Variants in ADARB1 observed in about 807,000 individuals in gnomAD.
The protein encoded by ADARB1 is double-stranded RNA-specific editase 1.
Under a neutral mutation model 52.4 loss-of-function variants are expected in ADARB1, and 10 were observed. The ratio of observed to expected loss-of-function variants is 0.19; its 90% confidence interval spans 0.12 to 0.32. ADARB1 has a LOEUF of 0.32. Among genes scored for constraint, ADARB1 ranks in the 10% least tolerant of loss-of-function variants. ADARB1 has a pLI of 1.00. For missense variants in ADARB1, 643 were observed against 922.3 expected (o/e 0.70, Z 3.92); for synonymous variants, 349 against 371.1 (o/e 0.94, Z 0.68).
At chr21:45,206,656 C>T (rs1161728811) in intron 9 of ADARB1, among the ~76,000 whole-genome samples, 2 of 149,274 alleles carry the variant, frequency 1.3e-5, no homozygotes, top group Non-Finnish European at 3.0e-5. Flanking sequence ...TCACTGCAGC[C>T]TCCACTTCCC....
intron 2 of ADARB1, among the ~76,000 whole-genome samples, chr21:45,168,905 A>G (rs964166633): frequency 4.6e-5 from 7 of 152,190 alleles, no homozygotes; most frequent in African/African-American, 2.4e-5. Flanking sequence ...ATTATATGAT[A>G]TTATGAGACT....
chr21:45,191,286 A>G (rs1018507458), intron 8 of ADARB1, among the ~76,000 whole-genome samples: 2 of 152,268 alleles, frequency 1.3e-5, no homozygotes, highest in Middle Eastern at 6.8e-3. Flanking sequence ...TTGTTATACC[A>G]GTGTTATTTT....
At position 45,176,776 on chromosome 21, in the gene ADARB1, G is replaced by C; in HGVS notation, c.963+112G>C. On this transcript the variant is annotated intron_variant, in intron 4 of 10. Coordinates refer to ENST00000348831, the MANE Select transcript of ADARB1 (RefSeq NM_001112.4). This position sits in a 1 kb window ranked among gnomAD's most constrained non-coding sequence, Gnocchi z 5.8. ...TGACTTTCCACCTTGACATCACTCT[G>C]TCCCCACCAGGAGGAGTTACTGGTA... is the stretch of plus-strand genomic sequence containing the variant. 1 of 1,196,476 alleles carries C rather than the reference G, an allele frequency of 8.4e-7. No individual in the cohort carries two copies. Among genetic ancestry groups the C allele is most frequent in the Non-Finnish European group, 1.1e-6 (1 of 875,394 alleles). The allele number at this position is 1,196,476 out of a possible 1,614,324, so 74.1% of individuals were successfully genotyped here.
intron 1 of ADARB1, among the ~76,000 whole-genome samples, chr21:45,082,130 G>C (rs545040244): frequency 3.9e-5 from 6 of 152,182 alleles, no homozygotes; most frequent in Non-Finnish European, 8.8e-5. Context: ...ATGATGCCAC[G>C]TTCCAGAGGA....
intron 9 of ADARB1, among the ~76,000 whole-genome samples, chr21:45,214,371 A>G (rs1407421996): frequency 6.6e-6 from 1 of 152,252 alleles, no homozygotes; most frequent in East Asian, 1.9e-4. Flanking sequence ...CGCAAACCAC[A>G]TAATTTTAAT....
chr21:45,075,213 G>T (rs1273322930), intron 1 of ADARB1, among the ~76,000 whole-genome samples: 1 of 151,562 alleles, frequency 6.6e-6, no homozygotes, highest in Admixed American at 6.6e-5. Flanking sequence ...GGGACCAGAG[G>T]CTGCCCCGGG....
chr21:45,076,477 A>G (rs1274234198), intron 1 of ADARB1, among the ~76,000 whole-genome samples: 1 of 152,218 alleles, frequency 6.6e-6, no homozygotes, highest in Non-Finnish European at 1.5e-5. Context: ...CACTACATCT[A>G]CATCACATTT....
chr21:45,189,727 AG>A (rs2092225896), intron 8 of ADARB1, among the ~76,000 whole-genome samples: 1 of 148,112 alleles, frequency 6.8e-6, no homozygotes, highest in Non-Finnish European at 1.5e-5. Flanking sequence ...CTTGGTTGAC[AG>A]GGTTGTTTTT....
intron 1 of ADARB1, among the ~76,000 whole-genome samples, chr21:45,077,179 C>T (rs993616536): frequency 2.6e-5 from 4 of 152,190 alleles, no homozygotes; most frequent in African/African-American, 9.7e-5. Flanking sequence ...GTAAGTTTTA[C>T]TTAAGAACTG....
chr21:45,158,631 A>G (rs996886449), intron 2 of ADARB1, among the ~76,000 whole-genome samples: 6 of 151,948 alleles, frequency 3.9e-5, no homozygotes, highest in Non-Finnish European at 7.4e-5. Flanking sequence ...CACAGGTCCC[A>G]TATGTGTTTC....
At chr21:45,180,952 C>T (rs79593938) in intron 5 of ADARB1, among the ~76,000 whole-genome samples, 6 of 152,152 alleles carry the variant, frequency 3.9e-5, no homozygotes, top group Admixed American at 3.9e-4. Flanking sequence ...AAGGAACCCC[C>T]GAGTCCTCTC....
chr21:45,114,773 C>T (rs1006178386), intron 1 of ADARB1, among the ~76,000 whole-genome samples: 1 of 152,222 alleles, frequency 6.6e-6, no homozygotes, highest in Admixed American at 6.5e-5. Context: ...TTTTATTCAG[C>T]CTTTGCTGCA....
At chr21:45,089,095 A>T (rs902284325) in intron 1 of ADARB1, among the ~76,000 whole-genome samples, 5 of 152,244 alleles carry the variant, frequency 3.3e-5, no homozygotes, top group African/African-American at 1.2e-4. Context: ...AACCACCGAA[A>T]TTCAGATGAG....
intron 1 of ADARB1, among the ~76,000 whole-genome samples, chr21:45,097,393 A>T (rs1053480824): frequency 1.3e-4 from 19 of 151,742 alleles, no homozygotes; most frequent in Admixed American, 3.9e-4. Context: ...GCCCTGTGTG[A>T]TGTGGTACAA....
At chr21:45,184,328 A>G (rs1249015962) in intron 7 of ADARB1, 1 of 156,684 alleles carries the variant, frequency 6.4e-6, no homozygotes, top group Non-Finnish European at 1.4e-5. Flanking sequence ...GCTTCAGTGC[A>G]TTTTTAATGA....
intron 1 of ADARB1, among the ~76,000 whole-genome samples, chr21:45,107,011 G>A (rs1430791018): frequency 6.6e-6 from 1 of 152,170 alleles, no homozygotes; most frequent in Non-Finnish European, 1.5e-5. Flanking sequence ...GGGAGTATCT[G>A]GAAAACCCTA....
chr21:45,137,985 G>T (rs905262311), intron 2 of ADARB1, among the ~76,000 whole-genome samples: 1 of 152,186 alleles, frequency 6.6e-6, no homozygotes, highest in South Asian at 2.1e-4. Context: ...ATTTCTATGG[G>T]AGTGATGCCC....
chr21:45,202,566 G>T (rs559620471), intron 8 of ADARB1, among the ~76,000 whole-genome samples: 14 of 152,268 alleles, frequency 9.2e-5, no homozygotes, highest in Admixed American at 7.2e-4. Context: ...GATATATGGA[G>T]GCTGGTTCCA....
chr21:45,094,414 G>C (rs2086674216), intron 1 of ADARB1, among the ~76,000 whole-genome samples: 1 of 152,166 alleles, frequency 6.6e-6, no homozygotes, highest in African/African-American at 2.4e-5. Context: ...TAAAATTTTT[G>C]AGAGTTTTTG....
Sources: gnomAD v4.1 joint callset for allele counts (sites outside exome capture counted in the v4.1 genomes callset) on GRCh38, gnomAD v4.1.1 for gene constraint, Gnocchi (gnomAD v3.1) non-coding constraint, MANE v1.5 for transcripts, NCBI Gene and HGNC (gene_info 2026-07-23, HGNC 2026-07-21) for gene names.